The following CTNNA3 variants were observed in gnomAD, a reference collection of about 807,000 sequenced individuals.
The protein encoded by CTNNA3 is catenin alpha 3.
Under a neutral mutation model 95.7 loss-of-function variants are expected in CTNNA3, and 76 were observed. That is an observed-to-expected ratio of 0.79 (90% CI 0.66 to 0.96). The LOEUF (loss-of-function observed/expected upper bound fraction) is 0.96. CTNNA3 is among the 40% of genes least tolerant of loss of function. The probability of loss-of-function intolerance (pLI) is 0.00; values close to 1 mark genes in which losing one functional copy is unlikely to be tolerated. For missense variants in CTNNA3, 1,191 were observed against 1,089.8 expected, an observed-to-expected ratio of 1.09 and a Z score of -1.31; for synonymous variants, 431 against 374.4, an observed-to-expected ratio of 1.15 and a Z score of -1.74.
chr10:67,639,107 G>C (rs1187024782), intron 2 of CTNNA3, among the ~76,000 whole-genome samples: 3 of 151,988 alleles, frequency 2.0e-5, no homozygotes, highest in Non-Finnish European at 4.4e-5. Flanking sequence ...TTAATAGACT[G>C]CTAGCAAGAC....
chr10:66,642,255 T>TACACACACACACACACACACACAA lies in CTNNA3; in HGVS notation c.1282-20495_1282-20472dup, dbSNP rs72191573. ...TTAAAATGTTGATATTTCTTTAAAA[T>TACACACACACACACACACACACAA]ACACACACACACACACACACACAAA... On this transcript the variant is annotated intron_variant, in intron 9 of 17. Transcript: ENST00000433211. Among the ~76,000 whole-genome samples the TACACACACACACACACACACACAA allele has an allele frequency of 7.0e-5, 8 of 114,766 alleles. No individual in the cohort carries two copies. The South Asian group carries it at 9.7e-4, about 14-fold the overall frequency. The allele number at this position is 114,766 out of a possible 152,430, so 75.3% of individuals were successfully genotyped here. A position where few individuals can be genotyped will look rare whatever the true frequency, so the allele number is the denominator to read the frequency against.
intron 17 of CTNNA3, among the ~76,000 whole-genome samples, chr10:65,928,554 G>A (rs144943939): frequency 6.2e-4 from 95 of 152,144 alleles, no homozygotes; most frequent in African/African-American, 2.3e-3. Context: ...GGAGATATCT[G>A]GCATATGAAT....
intron 5 of CTNNA3, among the ~76,000 whole-genome samples, chr10:67,352,090 T>C (rs1200865369): frequency 1.3e-5 from 2 of 151,916 alleles, no homozygotes; most frequent in Non-Finnish European, 2.9e-5. Flanking sequence ...TAGCAGGGGA[T>C]AGAGACAAGT....
intron 11 of CTNNA3, among the ~76,000 whole-genome samples, chr10:66,451,148 A>G (rs1379537324): frequency 6.6e-6 from 1 of 152,178 alleles, no homozygotes; most frequent in East Asian, 1.9e-4. Flanking sequence ...GATAGTCTTT[A>G]AGTAAATCTA....
intron 9 of CTNNA3, among the ~76,000 whole-genome samples, chr10:66,648,376 T>C (rs1394180025): frequency 1.3e-5 from 2 of 151,896 alleles, no homozygotes; most frequent in African/African-American, 4.8e-5. Context: ...TAAACAAACA[T>C]CAAAAAGAAA....
intron 7 of CTNNA3, among the ~76,000 whole-genome samples, chr10:67,171,342 A>C (rs1031196067): frequency 5.3e-5 from 8 of 152,152 alleles, no homozygotes; most frequent in Admixed American, 5.2e-4. Flanking sequence ...TGGGAGGCTG[A>C]GACAGGCGGT....
intron 12 of CTNNA3, among the ~76,000 whole-genome samples, chr10:66,359,043 T>A (rs545198449): frequency 6.6e-6 from 1 of 152,344 alleles, no homozygotes; most frequent in South Asian, 2.1e-4. Context: ...GCTCTCCTTC[T>A]CAGCACTTAG....
chr10:66,875,395 T>A (rs1347910531), intron 7 of CTNNA3, among the ~76,000 whole-genome samples: 26 of 146,966 alleles, frequency 1.8e-4, no homozygotes, highest in South Asian at 8.6e-4. Flanking sequence ...CACTGTTATT[T>A]AAAAAAAAAA....
intron 7 of CTNNA3, among the ~76,000 whole-genome samples, chr10:66,970,475 A>G (rs772515315): frequency 4.2e-5 from 6 of 141,880 alleles, no homozygotes; most frequent in Non-Finnish European, 9.2e-5. Flanking sequence ...AGCCAGAAAT[A>G]CTCCACAAAA....
chr10:67,397,260 G>A (rs1381304195), intron 5 of CTNNA3, among the ~76,000 whole-genome samples: 1 of 152,172 alleles, frequency 6.6e-6, no homozygotes, highest in East Asian at 1.9e-4. Flanking sequence ...ACTTCCTAGA[G>A]ATTTGTTGAA....
At chr10:66,019,793 G>T (rs2079165640) in intron 15 of CTNNA3, among the ~76,000 whole-genome samples, 1 of 152,154 alleles carries the variant, frequency 6.6e-6, no homozygotes. Context: ...TCTATAAAAT[G>T]AATTACAGTG....
intron 1 of CTNNA3, among the ~76,000 whole-genome samples, chr10:67,740,294 C>T (rs1468700790): frequency 1.3e-5 from 2 of 151,962 alleles, no homozygotes. Context: ...CAACAAAAGC[C>T]AAAATTGACA....
chr10:67,397,893 C>A (rs1008160170), intron 5 of CTNNA3, among the ~76,000 whole-genome samples: 2 of 152,234 alleles, frequency 1.3e-5, no homozygotes, highest in Non-Finnish European at 2.9e-5. Context: ...TGGTGTTGAG[C>A]CTGTGGGTGC....
At chr10:66,988,813 G>C (rs1020652361) in intron 7 of CTNNA3, among the ~76,000 whole-genome samples, 11 of 151,804 alleles carry the variant, frequency 7.2e-5, no homozygotes, top group Admixed American at 7.2e-4. Context: ...ATAATCAATA[G>C]ATCATTATAA....
At chr10:65,996,025 T>C (rs142382164) in intron 15 of CTNNA3, among the ~76,000 whole-genome samples, 1 of 152,234 alleles carries the variant, frequency 6.6e-6, no homozygotes, top group Non-Finnish European at 1.5e-5. Flanking sequence ...ATGACAGCAA[T>C]GAGCAGGGAG....
intron 1 of CTNNA3, among the ~76,000 whole-genome samples, chr10:67,649,250 C>G (rs1482020754): frequency 1.3e-5 from 2 of 152,174 alleles, no homozygotes; most frequent in African/African-American, 4.8e-5. Flanking sequence ...CCTTCGCAGC[C>G]TTTAAAAACA....
intron 11 of CTNNA3, among the ~76,000 whole-genome samples, chr10:66,494,153 C>T (rs899373250): frequency 6.6e-5 from 10 of 152,074 alleles, no homozygotes; most frequent in African/African-American, 2.4e-4. Context: ...GGTGATCCAC[C>T]CGCCTCGACC....
intron 6 of CTNNA3, among the ~76,000 whole-genome samples, chr10:67,199,256 G>A (rs1230958850): frequency 6.6e-6 from 1 of 152,152 alleles, no homozygotes; most frequent in African/African-American, 2.4e-5. Flanking sequence ...ACATTTAAGT[G>A]ATAAAGGGAT....
At chr10:66,826,679 A>G (rs1842526339) in intron 7 of CTNNA3, among the ~76,000 whole-genome samples, 1 of 152,250 alleles carries the variant, frequency 6.6e-6, no homozygotes, top group African/African-American at 2.4e-5. Context: ...GTAGTTTGAG[A>G]TATATATTTT....
Sources: gnomAD v4.1 joint callset for allele counts (sites outside exome capture counted in the v4.1 genomes callset) on GRCh38, gnomAD v4.1.1 for gene constraint, MANE v1.5 for transcripts, NCBI Gene and HGNC (gene_info 2026-07-23, HGNC 2026-07-21) for gene names.